The following SINHCAF variants were observed in gnomAD, a reference collection of about 807,000 sequenced individuals.
The protein encoded by SINHCAF is SIN3-HDAC complex associated factor, also known as SIN3-HDAC complex-associated factor.
In SINHCAF, 3 loss-of-function variants were observed where a neutral mutation model predicts 25.8. That is an observed-to-expected ratio of 0.12 (90% confidence interval 0.05 to 0.30). The LOEUF (loss-of-function observed/expected upper bound fraction) is 0.30. SINHCAF is among the 10% of genes least tolerant of loss of function. The pLI is 1.00. For synonymous variants in SINHCAF, 70 were observed against 85.5 expected (o/e 0.82, Z 1.00); for missense variants, 121 against 262.3 (o/e 0.46, Z 3.72).
rs1177722112 is a variant in SINHCAF, at chr12:31,324,651, C to G, written c.-21+1373G>C. 1 of 308,944 alleles carries G rather than the reference C, an allele frequency of 3.2e-6. No homozygotes were observed. Among genetic ancestry groups the G allele is most frequent in the Non-Finnish European group, 6.4e-6 (1 of 156,756 alleles). The allele number at this position is 308,944 out of a possible 1,614,324, so 19.1% of individuals were successfully genotyped here. On this transcript the variant is annotated intron_variant, in intron 1 of 5. Coordinates refer to ENST00000337682, the MANE Select transcript of SINHCAF (RefSeq NM_001135812.2). This position sits in a 1 kb window ranked among gnomAD's most constrained non-coding sequence, Gnocchi z 5.5. ...GGGGGCCCGCACGGGCACATGCAGC[C>G]CTTTGTTTTCTGTCCAGCCGGGCGC...
chr12:31,297,280 G>A (rs889671438), intron 2 of SINHCAF, among the ~76,000 whole-genome samples: 3 of 151,638 alleles, frequency 2.0e-5, no homozygotes, highest in African/African-American at 2.4e-5. Context: ...TTCAGCCTCC[G>A]ACGTAGCTAG....
chr12:31,289,800 G>GCT (rs1565490308), intron 4 of SINHCAF, among the ~76,000 whole-genome samples: 1 of 146,414 alleles, frequency 6.8e-6, no homozygotes. Context: ...GAAAATTTGG[G>GCT]TTTTTTTTTT....
chr12:31,285,610 C>G (rs367996662), intron 5 of SINHCAF, among the ~76,000 whole-genome samples: 2 of 152,220 alleles, frequency 1.3e-5, no homozygotes, highest in South Asian at 4.2e-4. Flanking sequence ...GCTCTACTTA[C>G]TATGTAACCT....
chr12:31,314,621 A>T (rs1939428256), intron 1 of SINHCAF, among the ~76,000 whole-genome samples: 1 of 150,966 alleles, frequency 6.6e-6, no homozygotes, highest in Admixed American at 6.6e-5. Flanking sequence ...TTAATAGGAG[A>T]GTATATTTGA....
At chr12:31,323,081 C>T (rs1196409606) in intron 1 of SINHCAF, among the ~76,000 whole-genome samples, 3 of 151,850 alleles carry the variant, frequency 2.0e-5, no homozygotes, top group African/African-American at 4.9e-5. Context: ...TCCCCAGCCT[C>T]CTTACAATGT....
intron 4 of SINHCAF, among the ~76,000 whole-genome samples, chr12:31,289,596 T>C (rs1938219042): frequency 6.6e-6 from 1 of 152,178 alleles, no homozygotes; most frequent in Admixed American, 6.5e-5. Context: ...TATAAGGCTG[T>C]TGTACTGCCA....
rs1209085013 is a variant in SINHCAF, at chr12:31,326,145, A to T, written c.-142T>A. 2.0e-5 allele frequency: 3 copies of T among 152,248 alleles called. No individual in the cohort carries two copies. Among genetic ancestry groups the T allele is most frequent in the Non-Finnish European group, 4.4e-5 (3 of 68,064 alleles). The allele number at this position is 152,248 out of a possible 1,614,324, so 9.4% of individuals were successfully genotyped here. ...CTTGTCTAGAAAGATAGTCTCCTGC[A>T]GTTCTGCAGTTGCTACCGCTGGCCG... On this transcript the variant is annotated 5_prime_UTR_variant, in exon 1 of 6. Coordinates refer to ENST00000337682, the MANE Select transcript of SINHCAF (RefSeq NM_001135812.2).
At chr12:31,303,726 T>A (rs1208628690) in intron 1 of SINHCAF, 1 of 152,198 alleles carries the variant, frequency 6.6e-6, no homozygotes, top group Non-Finnish European at 1.5e-5. Context: ...GATCCTTTTG[T>A]CATTTGTAAG....
At chr12:31,292,075 TTAAG>T (rs1405065392) in intron 4 of SINHCAF, among the ~76,000 whole-genome samples, 3 of 152,324 alleles carry the variant, frequency 2.0e-5, no homozygotes, top group East Asian at 1.9e-4. Context: ...GAATATTCCC[TTAAG>T]TAAGACAAAA....
At chr12:31,315,059 T>C (rs1939443399) in intron 1 of SINHCAF, among the ~76,000 whole-genome samples, 1 of 152,208 alleles carries the variant, frequency 6.6e-6, no homozygotes, top group Non-Finnish European at 1.5e-5. Context: ...AACACAAAGC[T>C]TGAGGATGCG....
chr12:31,287,705 T>C lies in SINHCAF; in HGVS notation c.435A>G (p.Ser145=), dbSNP rs1304495229. The change falls in exon 5 of 6, where the codon TCA becomes TCG. Residue 145 remains serine (S), a synonymous_variant. Transcript: ENST00000337682. ...PCYSNQSDDG[S]DTEMASGSNR... is the part of the protein sequence containing the mutation. ...TAGAACCAGAAGCCATCTCTGTATC[T>C]GAGCCGTCATCTGACTGGTTACTGT... 6.2e-7 allele frequency: 1 copy of C among 1,609,808 alleles called. No individual in the cohort carries two copies. The highest frequency in any genetic ancestry group is 8.5e-7 in the Non-Finnish European group (1 of 1,177,642).
chr12:31,291,532 G>A (rs1283850756), intron 4 of SINHCAF, among the ~76,000 whole-genome samples: 1 of 152,220 alleles, frequency 6.6e-6, no homozygotes, highest in Non-Finnish European at 1.5e-5. Context: ...GGGAGGCCAA[G>A]GAGGGCAGAT....
chr12:31,300,837 C>G (rs1222187814), intron 1 of SINHCAF, among the ~76,000 whole-genome samples: 3 of 152,178 alleles, frequency 2.0e-5, no homozygotes, highest in African/African-American at 7.2e-5. Flanking sequence ...GGTCAGAGAA[C>G]AGTTCCTCTA....
At chr12:31,316,088 T>C (rs1480203907) in intron 1 of SINHCAF, among the ~76,000 whole-genome samples, 2 of 152,046 alleles carry the variant, frequency 1.3e-5, no homozygotes, top group African/African-American at 4.8e-5. Context: ...CAGAATTGCT[T>C]GAACCCGGGA....
intron 1 of SINHCAF, among the ~76,000 whole-genome samples, chr12:31,315,946 A>C (rs552115472): frequency 6.6e-6 from 1 of 152,310 alleles, no homozygotes; most frequent in East Asian, 1.9e-4. Context: ...TGGGTGGATC[A>C]CCTGAGGTCA....
chr12:31,306,508 C>CG, intron 1 of SINHCAF, among the ~76,000 whole-genome samples: 1 of 152,288 alleles, frequency 6.6e-6, no homozygotes, highest in East Asian at 1.9e-4. Flanking sequence ...AGTACCCCCC[C>CG]CTTTTGTTTC....
At chr12:31,300,042 C>T (rs1426008362) in intron 1 of SINHCAF, among the ~76,000 whole-genome samples, 1 of 152,166 alleles carries the variant, frequency 6.6e-6, no homozygotes, top group African/African-American at 2.4e-5. Context: ...ACCGAAACGT[C>T]CTTGTGTGAC....
intron 1 of SINHCAF, among the ~76,000 whole-genome samples, chr12:31,300,134 A>G (rs920311860): frequency 6.6e-6 from 1 of 152,346 alleles, no homozygotes; most frequent in East Asian, 1.9e-4. Flanking sequence ...GCAAGTATTA[A>G]TGAAAATGAT....
intron 1 of SINHCAF, among the ~76,000 whole-genome samples, chr12:31,316,621 T>C (rs1365704939): frequency 6.6e-6 from 1 of 152,098 alleles, no homozygotes; most frequent in Non-Finnish European, 1.5e-5. Context: ...AATATAATAA[T>C]ATACATAGGA....
Sources: allele counts gnomAD v4.1 joint callset (sites outside exome capture counted in the v4.1 genomes callset), GRCh38; gene constraint gnomAD v4.1.1; non-coding constraint Gnocchi (gnomAD v3.1); transcripts MANE v1.5; gene names NCBI Gene and HGNC (gene_info 2026-07-23, HGNC 2026-07-21).